The following TRAPPC9 variants were observed in gnomAD, a reference collection of about 807,000 sequenced individuals.
TRAPPC9 encodes IKK2 binding protein.
Under a neutral mutation model 124.0 loss-of-function variants are expected in TRAPPC9, and 83 were observed. The ratio of observed to expected loss-of-function variants is 0.67; its 90% CI spans 0.56 to 0.80. The LOEUF (loss-of-function observed/expected upper bound fraction) is 0.80. Among genes scored for constraint, TRAPPC9 ranks in the 30% least tolerant of loss-of-function variants. The pLI is 0.00. For missense variants in TRAPPC9, 1,302 were observed against 1,508.3 expected (o/e 0.86, Z 2.27); for synonymous variants, 638 against 617.5 (o/e 1.03, Z -0.49).
chr8:139,874,015 G>A (rs561791643), intron 21 of TRAPPC9, among the ~76,000 whole-genome samples: 20 of 152,300 alleles, frequency 1.3e-4, no homozygotes, highest in Non-Finnish European at 2.6e-4. Flanking sequence ...CGTTCTTCTC[G>A]GCAGGAGCAT....
At chr8:139,887,479 C>T (rs1465366288) in intron 20 of TRAPPC9, among the ~76,000 whole-genome samples, 1 of 152,188 alleles carries the variant, frequency 6.6e-6, no homozygotes, top group African/African-American at 2.4e-5. Flanking sequence ...CCATTTTGGC[C>T]TCCCAAAGTG....
chr8:140,001,780 T>A (rs575674455), intron 18 of TRAPPC9, among the ~76,000 whole-genome samples: 166 of 152,310 alleles, frequency 1.1e-3, no homozygotes, highest in African/African-American at 3.6e-3. Context: ...CTGCTAGTAG[T>A]GATGGAAAAT....
intron 15 of TRAPPC9, among the ~76,000 whole-genome samples, chr8:140,274,415 A>G (rs538930662): frequency 1.8e-4 from 28 of 152,298 alleles, no homozygotes; most frequent in Non-Finnish European, 4.0e-4. Context: ...TCACTAGAGG[A>G]CAAGCCTGGG....
At chr8:139,882,160 G>A (rs1462353167) in intron 21 of TRAPPC9, among the ~76,000 whole-genome samples, 2 of 152,246 alleles carry the variant, frequency 1.3e-5, no homozygotes, top group African/African-American at 2.4e-5. Flanking sequence ...TAAAACAGAA[G>A]TGATTATAAT....
At chr8:140,191,040 G>A (rs1381039409) in intron 17 of TRAPPC9, among the ~76,000 whole-genome samples, 2 of 152,172 alleles carry the variant, frequency 1.3e-5, no homozygotes, top group African/African-American at 4.8e-5. Context: ...GGAGAGGCCA[G>A]ATTAGGAGAG....
At position 139,730,879 on chromosome 8, in the gene TRAPPC9, C is replaced by A. The variant is rs552629146; in HGVS notation, c.*182G>T. 7.5e-6 allele frequency: 5 copies of A among 669,082 alleles called. No homozygotes were observed. The highest frequency in any genetic ancestry group is 2.7e-5 in the Admixed American group (1 of 37,136). 41.4% of individuals were successfully genotyped at this position (669,082 alleles called of 1,614,324 possible). The stretch of plus-strand genomic sequence containing the variant: ...GTGGCATGGGGTGGGGCTGCCATGT[C>A]CGGGGCTTCTGCGTAGCCCAGCAAA... On this transcript the variant is annotated 3_prime_UTR_variant, in exon 23 of 23. Coordinates refer to ENST00000438773, the MANE Select transcript of TRAPPC9 (RefSeq NM_001160372.4).
At chr8:140,051,996 C>A (rs1450234952) in intron 17 of TRAPPC9, among the ~76,000 whole-genome samples, 2 of 152,122 alleles carry the variant, frequency 1.3e-5, no homozygotes, top group Non-Finnish European at 2.9e-5. Flanking sequence ...ACGTTCTCCC[C>A]CACTTGCAGC....
intron 17 of TRAPPC9, among the ~76,000 whole-genome samples, chr8:140,157,207 C>T (rs1417069174): frequency 2.9e-4 from 14 of 48,550 alleles, no homozygotes; most frequent in African/African-American, 7.2e-4. Flanking sequence ...TCAAAAGCCT[C>T]CCTTTTCCAT....
intron 19 of TRAPPC9, among the ~76,000 whole-genome samples, chr8:139,956,657 A>G (rs1389075652): frequency 1.3e-5 from 2 of 152,242 alleles, no homozygotes; most frequent in Admixed American, 1.3e-4. Flanking sequence ...TGCCTGGAAC[A>G]GCACTGCTCA....
intron 15 of TRAPPC9, among the ~76,000 whole-genome samples, chr8:140,268,189 T>C (rs1021376893): frequency 6.6e-6 from 1 of 152,070 alleles, no homozygotes; most frequent in African/African-American, 2.4e-5. Flanking sequence ...TCTCCTATAG[T>C]TAACATCCAC....
At chr8:140,088,342 TA>T (rs886202067) in intron 17 of TRAPPC9, among the ~76,000 whole-genome samples, 1 of 152,196 alleles carries the variant, frequency 6.6e-6, no homozygotes, top group African/African-American at 2.4e-5. Flanking sequence ...ATCTATCACC[TA>T]AGAGGTATCC....
At chr8:139,780,829 A>G (rs1009785122) in intron 21 of TRAPPC9, among the ~76,000 whole-genome samples, 1 of 152,198 alleles carries the variant, frequency 6.6e-6, no homozygotes, top group African/African-American at 2.4e-5. Flanking sequence ...ATGATAAGAA[A>G]ACAAACAATC....
At chr8:139,803,360 A>C (rs915503140) in intron 21 of TRAPPC9, among the ~76,000 whole-genome samples, 2 of 152,166 alleles carry the variant, frequency 1.3e-5, no homozygotes, top group African/African-American at 4.8e-5. Context: ...CGTGGGCAGA[A>C]ATTTGACTCT....
intron 5 of TRAPPC9, among the ~76,000 whole-genome samples, chr8:140,419,440 A>AC (rs1459209783): frequency 1.5e-4 from 22 of 147,444 alleles, no homozygotes; most frequent in African/African-American, 4.8e-4. Flanking sequence ...AAAAAAAAAA[A>AC]AAAAAAAAAA....
intron 17 of TRAPPC9, among the ~76,000 whole-genome samples, chr8:140,167,698 G>C (rs1307841374): frequency 6.6e-6 from 1 of 152,222 alleles, no homozygotes; most frequent in Non-Finnish European, 1.5e-5. Flanking sequence ...TGGGGCTGAT[G>C]ATGAGTTTTA....
intron 19 of TRAPPC9, among the ~76,000 whole-genome samples, chr8:139,982,989 T>C (rs1168221725): frequency 2.0e-5 from 3 of 152,306 alleles, no homozygotes; most frequent in East Asian, 1.9e-4. Flanking sequence ...TAAATGAATG[T>C]TTATGCCCCA....
chr8:140,106,614 G>A (rs900369359), intron 17 of TRAPPC9, among the ~76,000 whole-genome samples: 2 of 152,140 alleles, frequency 1.3e-5, no homozygotes, highest in Non-Finnish European at 2.9e-5. Flanking sequence ...CAGTGAGGTA[G>A]GACAGGGAAA....
intron 19 of TRAPPC9, among the ~76,000 whole-genome samples, chr8:139,982,811 A>G (rs1403221194): frequency 6.6e-6 from 1 of 152,190 alleles, no homozygotes; most frequent in African/African-American, 2.4e-5. Flanking sequence ...ATATGATAAG[A>G]GTGGCATTGC....
At chr8:139,896,664 C>T (rs1830688077) in intron 20 of TRAPPC9, among the ~76,000 whole-genome samples, 1 of 152,216 alleles carries the variant, frequency 6.6e-6, no homozygotes, top group South Asian at 2.1e-4. Flanking sequence ...GTATTGACTC[C>T]TCACCGTAAA....
Sources: gnomAD v4.1 joint callset for allele counts (sites outside exome capture counted in the v4.1 genomes callset) on GRCh38, gnomAD v4.1.1 for gene constraint, MANE v1.5 for transcripts, NCBI Gene and HGNC (gene_info 2026-07-23, HGNC 2026-07-21) for gene names.